Variants in GABRA3 observed in about 807,000 individuals in gnomAD.
GABRA3 encodes the protein gamma-aminobutyric acid receptor subunit alpha-3.
In GABRA3, 10 loss-of-function variants were observed where a neutral mutation model predicts 30.1. That is an observed-to-expected ratio of 0.33 (90% CI 0.20 to 0.56). The LOEUF (loss-of-function observed/expected upper bound fraction) is 0.56. Among genes scored for constraint, GABRA3 ranks in the 20% least tolerant of loss-of-function variants. The pLI, the probability that GABRA3 is intolerant of heterozygous loss-of-function variation, is 0.89. For synonymous variants in GABRA3, 151 were observed against 146.8 expected (o/e 1.03, Z -0.21); for missense variants, 233 against 392.0 (o/e 0.59, Z 3.42).
chrX:152,200,482 T>C (rs1301414574), intron 7 of GABRA3, among the ~76,000 whole-genome samples: 2 of 111,975 alleles, frequency 1.8e-5, no homozygotes, highest in Non-Finnish European at 3.8e-5. Flanking sequence ...CCATCTCTTT[T>C]CTTTCTCTCT....
chrX:152,359,169 T>A (rs1178722929), intron 2 of GABRA3, among the ~76,000 whole-genome samples: 1 of 111,730 alleles, frequency 9.0e-6, no homozygotes, highest in African/African-American at 3.3e-5. Context: ...AGAATTTGGC[T>A]GTGAATTAAT....
intron 9 of GABRA3, among the ~76,000 whole-genome samples, chrX:152,180,523 T>C (rs1937132043): frequency 8.9e-6 from 1 of 112,097 alleles, no homozygotes; most frequent in African/African-American, 3.2e-5. Context: ...ATTGTTTCCT[T>C]GGCTATCAAA....
chrX:152,213,214 T>A (rs192898052), intron 6 of GABRA3, among the ~76,000 whole-genome samples: 32 of 111,985 alleles, frequency 2.9e-4, no homozygotes, highest in African/African-American at 9.7e-4. Flanking sequence ...GCATTTCTTT[T>A]GAAATATTGT....
intron 4 of GABRA3, among the ~76,000 whole-genome samples, chrX:152,280,640 T>A (rs1939183233): frequency 9.0e-6 from 1 of 111,587 alleles, no homozygotes; most frequent in Admixed American, 9.6e-5. Context: ...TTTTTCTGTG[T>A]TCTTATTTCC....
chrX:152,237,627 A>T (rs1300033711), intron 5 of GABRA3, among the ~76,000 whole-genome samples: 1 of 108,004 alleles, frequency 9.3e-6, no homozygotes, highest in African/African-American at 3.4e-5. Context: ...CCTACCCATG[A>T]GCATGGAATA....
intron 9 of GABRA3, among the ~76,000 whole-genome samples, chrX:152,177,593 A>T (rs900519513): frequency 2.7e-5 from 3 of 111,541 alleles, no homozygotes; most frequent in African/African-American, 9.8e-5. Context: ...CAAAAAACAA[A>T]AACAAAACAC....
At chrX:152,327,274 C>A (rs1569397762) in intron 3 of GABRA3, among the ~76,000 whole-genome samples, 1 of 110,981 alleles carries the variant, frequency 9.0e-6, no homozygotes, top group Non-Finnish European at 1.9e-5. Flanking sequence ...ACCCCACTGT[C>A]AACATTAGAC....
chrX:152,233,807 C>T (rs1302840690), intron 5 of GABRA3, among the ~76,000 whole-genome samples: 4 of 104,949 alleles, frequency 3.8e-5, no homozygotes, highest in Non-Finnish European at 7.8e-5. Context: ...AAACGTCCAA[C>T]AATGATAGAC....
intron 3 of GABRA3, among the ~76,000 whole-genome samples, chrX:152,290,967 T>A (rs967933458): frequency 8.9e-6 from 1 of 112,096 alleles, no homozygotes; most frequent in Non-Finnish European, 1.9e-5. Context: ...AGCTTTGTTC[T>A]TTTGGCTTAG....
intron 3 of GABRA3, among the ~76,000 whole-genome samples, chrX:152,299,284 A>G (rs1322810449): frequency 8.9e-6 from 1 of 112,009 alleles, no homozygotes; most frequent in Non-Finnish European, 1.9e-5. Context: ...GGAAGACTGG[A>G]AGCAGGGTGA....
In GABRA3 at chrX:152,444,743, T is replaced by G. The variant is rs868468505; in HGVS notation, c.-27+6403A>C. 1.9e-4 allele frequency among the ~76,000 whole-genome samples: 14 copies of G among 74,375 alleles called. 1 individual carries two copies. In the East Asian group the frequency reaches 2.7e-3, roughly 14 times the overall value. 64.6% of individuals were successfully genotyped at this position (74,375 alleles called of 115,157 possible). ...TATATAATACTTGTGTGTTTTTTTT[T>G]TTTTGTTTTTTTTTGTTTGTTTGTT... is the stretch of plus-strand genomic sequence containing the variant. On this transcript the variant is annotated intron_variant, in intron 1 of 9. Transcript: ENST00000370314.
At chrX:152,182,825 C>CAT (rs1267407296) in intron 9 of GABRA3, among the ~76,000 whole-genome samples, 1 of 55,746 alleles carries the variant, frequency 1.8e-5, no homozygotes, top group African/African-American at 6.6e-5. Flanking sequence ...CATATATATA[C>CAT]ATATATATAG....
chrX:152,421,318 C>A (rs778246970), intron 1 of GABRA3, among the ~76,000 whole-genome samples: 6 of 110,614 alleles, frequency 5.4e-5, no homozygotes, highest in African/African-American at 1.6e-4. Context: ...ATATAGTATG[C>A]TGTTTCCATG....
intron 1 of GABRA3, among the ~76,000 whole-genome samples, chrX:152,383,110 G>A (rs1170779399): frequency 9.1e-6 from 1 of 109,785 alleles, no homozygotes; most frequent in East Asian, 2.9e-4. Context: ...AGGCCAGCCA[G>A]GCATGGTGGC....
Position 152,224,757 on chromosome X carries a change from A to T in GABRA3, c.634+6T>A. ...AAAGACAGAGAGAGAGAGAGAAAATACATACAGCTTCCAAACTTCAGTGGG... is the reference window on the plus strand; with the variant it reads ...AAAGACAGAGAGAGAGAGAGAAAATTCATACAGCTTCCAAACTTCAGTGGG... On this transcript the variant is annotated splice_donor_region_variant and intron_variant, in intron 6 of 9. Coordinates refer to ENST00000370314, the MANE Select transcript of GABRA3 (RefSeq NM_000808.4). The T allele has an allele frequency of 8.6e-7, 1 of 1,165,948 alleles. No homozygotes were observed.
chrX:152,416,417 G>A (rs1365147007), intron 1 of GABRA3, among the ~76,000 whole-genome samples: 1 of 105,219 alleles, frequency 9.5e-6, no homozygotes, highest in Non-Finnish European at 2.0e-5. Flanking sequence ...TGGGTAGGAA[G>A]AATCAATATC....
chrX:152,416,425 A>G (rs763158118), intron 1 of GABRA3, among the ~76,000 whole-genome samples: 1,616 of 106,167 alleles, frequency 0.015, 16 homozygotes, highest in Middle Eastern at 0.048. Context: ...AAGAATCAAT[A>G]TCGTGAAAAT....
Position 152,184,350 on chromosome X carries a change from G to A in GABRA3, c.1143+5380C>T, listed in dbSNP as rs934247127. On this transcript the variant is annotated intron_variant, in intron 9 of 9. Transcript: ENST00000370314. ...AGTATTATTTGGTAACAGAGAAGAT[G>A]TCTGTTTGCTCATGTAGCTAACCTG... Among the ~76,000 whole-genome samples the A allele has an allele frequency of 9.0e-5, 10 of 111,484 alleles. No individual in the cohort carries two copies. In the Admixed American group the frequency reaches 9.7e-4, roughly 11 times the overall value.
At chrX:152,245,023 T>C in intron 5 of GABRA3, among the ~76,000 whole-genome samples, 1 of 111,225 alleles carries the variant, frequency 9.0e-6, no homozygotes, top group East Asian at 2.9e-4. Context: ...ACTAGAATCC[T>C]AAAGGTTAAA....
Sources: gnomAD v4.1 joint callset for allele counts (sites outside exome capture counted in the v4.1 genomes callset) on GRCh38, gnomAD v4.1.1 for gene constraint, MANE v1.5 for transcripts, NCBI Gene and HGNC (gene_info 2026-07-23, HGNC 2026-07-21) for gene names.